Variants in CRX observed in about 807,000 individuals in gnomAD.
The protein encoded by CRX is cone-rod homeobox protein.
A neutral mutation model predicts 13.1 loss-of-function variants in CRX; 5 were observed. The observed-to-expected ratio is 0.38, with a 90% CI of 0.20 to 0.80. The LOEUF (loss-of-function observed/expected upper bound fraction) is 0.80, where lower values mean the gene tolerates loss of function less well. Among genes scored for constraint, CRX ranks in the 30% least tolerant of loss-of-function variants. CRX has a pLI of 0.43. For synonymous variants in CRX, 179 were observed against 171.1 expected (o/e 1.05, Z -0.36); for missense variants, 351 against 391.8 (o/e 0.90, Z 0.88).
chr19:47,828,708 T>C (rs771237416), intron 1 of CRX, among the ~76,000 whole-genome samples: 7 of 147,088 alleles, frequency 4.8e-5, no homozygotes, highest in Non-Finnish European at 7.5e-5. Flanking sequence ...AGGGGTTAGC[T>C]GGTGAGAGGG....
chr19:47,839,901 C>T lies in CRX; in HGVS notation c.834C>T (p.Phe278=). ...EFKDPTGTWK[F]TYNPMDPLDY... ...AGGACCCCACGGGCACCTGGAAATT[C>T]ACCTACAATCCCATGGACCCTCTGG... Residue 278 remains phenylalanine, a synonymous_variant, in exon 4 of 4, where the codon TTC becomes TTT. Transcript: ENST00000221996. The surrounding 1 kb of genome is among the most constrained non-coding windows in gnomAD (Gnocchi z 4.6). The T allele has an allele frequency of 6.2e-7, 1 of 1,614,148 alleles. No individual in the cohort carries two copies. Among genetic ancestry groups the T allele is most frequent in the Non-Finnish European group, 8.5e-7 (1 of 1,180,036 alleles).
At chr19:47,833,667 T>A (rs1478688883) in intron 1 of CRX, among the ~76,000 whole-genome samples, 1 of 152,108 alleles carries the variant, frequency 6.6e-6, no homozygotes, top group African/African-American at 2.4e-5. Context: ...GCACTGAAAG[T>A]CCTGTGTTCC....
At chr19:47,822,761 C>T (rs1967927705) in intron 1 of CRX, among the ~76,000 whole-genome samples, 1 of 152,138 alleles carries the variant, frequency 6.6e-6, no homozygotes, top group African/African-American at 2.4e-5. Flanking sequence ...GCTTCCAGCA[C>T]AGTCACTCTC....
chr19:47,832,211 T>C (rs1223303454), intron 1 of CRX, among the ~76,000 whole-genome samples: 2 of 144,812 alleles, frequency 1.4e-5, no homozygotes, highest in Non-Finnish European at 3.0e-5. Context: ...GTTCAAGCGA[T>C]TCTCCTGCCT....
rs1968094049 is a variant in CRX at position 47,834,600 on chromosome 19, C to T, written c.100+57C>T. On this transcript the variant is annotated intron_variant, in intron 2 of 3. Transcript: ENST00000221996. ...GCTGGCCTCATCTCTTGGAGGACCTCTGGGGTCCCTTTGCCCCCAGGAAGA... is the reference window on the plus strand; with the variant it reads ...GCTGGCCTCATCTCTTGGAGGACCTTTGGGGTCCCTTTGCCCCCAGGAAGA... The T allele has an allele frequency of 2.1e-6, 3 of 1,436,474 alleles. No homozygotes were observed. In the African/African-American group the frequency reaches 4.2e-5, roughly 20 times the overall value. 89.0% of individuals were successfully genotyped at this position (1,436,474 alleles called of 1,614,324 possible).
Position 47,840,084 on chromosome 19 carries a change from T to G in CRX, c.*117T>G. On this transcript the variant is annotated 3_prime_UTR_variant, in exon 4 of 4. Coordinates refer to ENST00000221996, the MANE Select transcript of CRX (RefSeq NM_000554.6). ...CTGAGAAAGCAACCCGAACCAGCTG[T>G]CCTTCTGACAGCTCGGTGTTCAGCT... 8.2e-7 allele frequency: 1 copy of G among 1,220,898 alleles called. No homozygotes were observed. The highest frequency in any genetic ancestry group is 1.2e-6 in the Non-Finnish European group (1 of 854,970). 75.6% of individuals were successfully genotyped at this position (1,220,898 alleles called of 1,614,324 possible). A position where few individuals can be genotyped will look rare whatever the true frequency, so the allele number is the denominator to read the frequency against.
chr19:47,839,686 G>A lies in CRX; in HGVS notation c.619G>A (p.Ala207Thr), dbSNP rs376982187. 73 of 1,613,494 alleles carry A rather than the reference G, an allele frequency of 4.5e-5. No individual in the cohort carries two copies. The highest frequency in any genetic ancestry group is 3.3e-4 in the Middle Eastern group (2 of 6,084). ...CTCCGCTTTCTGCTCTTCCCCCTCC[G>A]CCTATGGGTCTCCGAGCTCCTATTT... is the stretch of plus-strand genomic sequence containing the variant. ...PASAFCSSPS[A>T]YGSPSSYFSG... Residue 207 changes from alanine to threonine, a missense_variant, in exon 4 of 4, where the codon GCC (alanine) becomes ACC (threonine). Physicochemically the swap from Ala to Thr is moderately conservative, Grantham distance 58. Around this residue, in one of 3 missense-constraint regions of CRX, gnomAD observed 253 missense variants for 268.3 expected, o/e 0.94. Coordinates refer to ENST00000221996, the MANE Select transcript of CRX (RefSeq NM_000554.6). The surrounding 1 kb of genome is among the most constrained non-coding windows in gnomAD (Gnocchi z 4.6).
Position 47,839,712 on chromosome 19 carries a change from C to T in CRX, c.645C>T (p.Phe215=), listed in dbSNP as rs191794330. 5.0e-5 allele frequency: 80 copies of T among 1,614,034 alleles called. 1 individual carries two copies. In the East Asian group the frequency reaches 1.6e-3, roughly 33 times the overall value. Residue 215 remains phenylalanine (F), a synonymous_variant, in exon 4 of 4, where the codon TTC becomes TTT. Transcript: ENST00000221996. The surrounding 1 kb of genome is among the most constrained non-coding windows in gnomAD (Gnocchi z 4.6). ...PSAYGSPSSY[F]SGLDPYLSPM... The stretch of plus-strand genomic sequence containing the variant: ...CCTATGGGTCTCCGAGCTCCTATTT[C>T]AGCGGCCTAGACCCCTACCTTTCTC...
In CRX at chr19:47,824,156, T is replaced by A. The variant is rs368773192; in HGVS notation, c.-36+2146T>A. On this transcript the variant is annotated intron_variant, in intron 1 of 3. Coordinates refer to ENST00000221996, the MANE Select transcript of CRX (RefSeq NM_000554.6). ...TCATTCTGTTTCTAGGGTCCCTAGGTAGACTTGGGGGTGAAGAGCGGGGCT... is the reference window on the plus strand; with the variant it reads ...TCATTCTGTTTCTAGGGTCCCTAGGAAGACTTGGGGGTGAAGAGCGGGGCT... 8.5e-5 allele frequency among the ~76,000 whole-genome samples: 13 copies of A among 152,188 alleles called. No homozygotes were observed. In the South Asian group the frequency reaches 1.2e-3, roughly 15 times the overall value.
Position 47,839,498 on chromosome 19 carries a change from C to T in CRX, c.431C>T (p.Pro144Leu), listed in dbSNP as rs1968165043. 1.2e-6 allele frequency: 2 copies of T among 1,613,940 alleles called. No homozygotes were observed. The highest frequency in any genetic ancestry group is 1.1e-5 in the South Asian group (1 of 91,082). The change falls in exon 4 of 4, where the codon CCC becomes CTC. Residue 144 changes from proline to leucine, a missense_variant. Physicochemically the swap from Pro to Leu is moderately conservative, Grantham distance 98. This residue lies in a region of CRX where 253 missense variants were observed against 268.3 expected (regional missense o/e 0.94). Coordinates refer to ENST00000221996, the MANE Select transcript of CRX (RefSeq NM_000554.6). This position sits in a 1 kb window ranked among gnomAD's most constrained non-coding sequence, Gnocchi z 4.6. ...DPLGISDSYS[P>L]PLPGPSGSPT... The stretch of plus-strand genomic sequence containing the variant: ...CTGGGCATCTCAGATTCCTACAGTC[C>T]CCCTCTGCCCGGCCCCTCAGGCTCC...
chr19:47,837,035 C>T (rs1968125798), intron 3 of CRX, among the ~76,000 whole-genome samples: 2 of 151,922 alleles, frequency 1.3e-5, no homozygotes. Context: ...GGGATGGATA[C>T]ATGTATATAT....
Position 47,837,753 on chromosome 19 carries a change from A to T in CRX, c.252+1359A>T, listed in dbSNP as rs542663607. Among the ~76,000 whole-genome samples, 4 of 143,772 alleles carry T rather than the reference A, an allele frequency of 2.8e-5. No individual in the cohort carries two copies. The Admixed American group carries it at 2.9e-4, about 10-fold the overall frequency. The allele number at this position is 143,772 out of a possible 152,430, so 94.3% of individuals were successfully genotyped here. A position where few individuals can be genotyped will look rare whatever the true frequency, so the allele number is the denominator to read the frequency against. ...GACCTATGTTTATATAATTATATGT[A>T]TAAGATGGATGAATCTATGTATGAT... On this transcript the variant is annotated intron_variant, in intron 3 of 3. Transcript: ENST00000221996.
rs1968161722 is a variant in CRX at position 47,839,369 on chromosome 19, A to C, written c.302A>C (p.Gln101Pro). 6.2e-7 allele frequency: 1 copy of C among 1,613,540 alleles called. No individual in the cohort carries two copies. Among genetic ancestry groups the C allele is most frequent in the Non-Finnish European group, 8.5e-7 (1 of 1,179,804 alleles). The change falls in exon 4 of 4, where the codon CAG becomes CCG. Residue 101 changes from glutamine (Q) to proline (P), a missense_variant. By Grantham distance (76) the Gln-to-Pro change is moderately conservative (BLOSUM62 -1). Transcript: ENST00000221996. The surrounding 1 kb of genome is among the most constrained non-coding windows in gnomAD (Gnocchi z 4.6). The part of the protein sequence containing the change: ...RAKCRQQRQQ[Q>P]KQQQQPPGGQ... ...AAATGCAGGCAGCAGCGACAGCAGC[A>C]GAAACAGCAGCAGCAGCCCCCAGGG...
Position 47,836,338 on chromosome 19 carries a change from G to T in CRX, c.196G>T (p.Val66Phe), listed in dbSNP as rs61748438. ...ALFAKTQYPDVYAREEVALKI... is the reference protein window; with the variant it reads ...ALFAKTQYPDFYAREEVALKI... ...GTTTGCCAAGACCCAGTACCCAGAC[G>T]TCTATGCCCGTGAGGAGGTGGCTCT... Residue 66 changes from valine (V) to phenylalanine (F), a missense_variant, in exon 3 of 4, where the codon GTC (valine) becomes TTC (phenylalanine). Physicochemically the swap from Val to Phe is conservative, Grantham distance 50. Around this residue, in one of 3 missense-constraint regions of CRX, gnomAD observed 95 missense variants for 106.7 expected, o/e 0.89. Transcript: ENST00000221996. The T allele has an allele frequency of 2.5e-6, 4 of 1,614,202 alleles. No individual in the cohort carries two copies. The highest frequency in any genetic ancestry group is 2.2e-5 in the East Asian group (1 of 44,888).
In CRX at chr19:47,835,446, G is replaced by A. The variant is rs570352447; in HGVS notation, c.101-797G>A. 8.6e-5 allele frequency among the ~76,000 whole-genome samples: 13 copies of A among 150,350 alleles called. No homozygotes were observed. In the South Asian group the frequency reaches 2.1e-3, roughly 24 times the overall value. ...CCTGCCCAGGCTGGAGTGCAATGGC[G>A]CGATCTTGGCTCTTTGCAACTTTTG... is the stretch of plus-strand genomic sequence containing the variant. On this transcript the variant is annotated intron_variant, in intron 2 of 3. Coordinates refer to ENST00000221996, the MANE Select transcript of CRX (RefSeq NM_000554.6).
At chr19:47,837,740 T>C (rs573642131) in intron 3 of CRX, among the ~76,000 whole-genome samples, 4 of 150,748 alleles carry the variant, frequency 2.7e-5, no homozygotes, top group Admixed American at 2.0e-4. Context: ...CCTATGTTTA[T>C]ATAATTATAT....
In CRX at chr19:47,840,063, GAAAGCAACCCGAA is replaced by G; in HGVS notation, c.*97_*109del. 6.8e-7 allele frequency: 1 copy of G among 1,461,880 alleles called. No homozygotes were observed. Among genetic ancestry groups the G allele is most frequent in the Non-Finnish European group, 9.4e-7 (1 of 1,063,670 alleles). The allele number at this position is 1,461,880 out of a possible 1,614,324, so 90.6% of individuals were successfully genotyped here. On this transcript the variant is annotated 3_prime_UTR_variant, in exon 4 of 4. Transcript: ENST00000221996. ...TTAGATCCCGGGATGGCATTCCTGAGAAAGCAACCCGAACCAGCTGTCCTTCTGACAGCTCGGT... is the reference window on the plus strand; with the variant it reads ...TTAGATCCCGGGATGGCATTCCTGAGCCAGCTGTCCTTCTGACAGCTCGGT...
At chr19:47,825,442 C>G (rs1216446665) in intron 1 of CRX, among the ~76,000 whole-genome samples, 3 of 152,156 alleles carry the variant, frequency 2.0e-5, no homozygotes, top group Non-Finnish European at 4.4e-5. Flanking sequence ...GGAGGCCCTT[C>G]TGTCATCAGC....
chr19:47,839,881 C>T lies in CRX; in HGVS notation c.814C>T (p.Pro272Ser), dbSNP rs781453718. The T allele has an allele frequency of 4.3e-6, 7 of 1,613,992 alleles. No homozygotes were observed. The highest frequency in any genetic ancestry group is 4.5e-5 in the East Asian group (2 of 44,876). The change falls in exon 4 of 4, where the codon CCC becomes TCC. Residue 272 changes from proline to serine, a missense_variant. Pro to Ser is a moderately conservative substitution (Grantham distance 74, BLOSUM62 -1). Transcript: ENST00000221996. The surrounding 1 kb of genome is among the most constrained non-coding windows in gnomAD (Gnocchi z 4.6). Reference sequence around the variant, plus strand: ...CGTGGATAGCTTGGAATTCAAGGACCCCACGGGCACCTGGAAATTCACCTA... The same window carrying T: ...CGTGGATAGCTTGGAATTCAAGGACTCCACGGGCACCTGGAAATTCACCTA... ...SPVDSLEFKD[P>S]TGTWKFTYNP...
Sources: gnomAD v4.1 joint callset for allele counts (sites outside exome capture counted in the v4.1 genomes callset) on GRCh38, gnomAD v4.1.1 for gene constraint, gnomAD v4.1.1 regional missense constraint, Gnocchi (gnomAD v3.1) non-coding constraint, MANE v1.5 for transcripts, NCBI Gene and HGNC (gene_info 2026-07-23, HGNC 2026-07-21) for gene names.